The following CRAMP1 variants were observed in gnomAD, a reference collection of about 807,000 sequenced individuals.
CRAMP1 encodes protein cramped-like.
A neutral mutation model predicts 115.4 loss-of-function variants in CRAMP1; 50 were observed. The observed-to-expected ratio is 0.43, with a 90% confidence interval of 0.35 to 0.55. The LOEUF is 0.55. Among genes scored for constraint, CRAMP1 ranks in the 20% least tolerant of loss-of-function variants. The probability of loss-of-function intolerance (pLI) is 0.01; values close to 1 mark genes in which losing one functional copy is unlikely to be tolerated. For missense variants in CRAMP1, 1,679 were observed against 1,721.7 expected, an observed-to-expected ratio of 0.98 and a Z score of 0.44; for synonymous variants, 866 against 745.4, an observed-to-expected ratio of 1.16 and a Z score of -2.64.
chr16:1,620,095 C>A (rs991409325), intron 2 of CRAMP1, among the ~76,000 whole-genome samples: 2 of 152,138 alleles, frequency 1.3e-5, no homozygotes, highest in Admixed American at 6.5e-5. Flanking sequence ...TTGAAGGGTC[C>A]CCCCATGTGA....
chr16:1,655,184 C>T (rs758739198), intron 8 of CRAMP1, 35 bp from the exon 9 acceptor site: 26 of 1,566,242 alleles, frequency 1.7e-5, no homozygotes, highest in Middle Eastern at 1.7e-4. Flanking sequence ...TCCTGTTCTG[C>T]GAACCTCACT....
chr16:1,622,804 C>T lies in CRAMP1; in HGVS notation c.347-3169C>T, dbSNP rs144176394. On this transcript the variant is annotated intron_variant, in intron 2 of 20. Transcript: ENST00000397412. ...TGAGACAGTCTCTCACTCTGTCACC[C>T]AGGCTGGAGTGCAGTGGCTAGATCT... is the stretch of plus-strand genomic sequence containing the variant. Among the ~76,000 whole-genome samples, 624 of 150,362 alleles carry T rather than the reference C, an allele frequency of 4.1e-3. 6 individuals are homozygous for T. The highest frequency in any genetic ancestry group is 0.015 in the African/African-American group (597 of 40,776).
chr16:1,657,872 C>A (rs1443810680), intron 10 of CRAMP1, among the ~76,000 whole-genome samples: 1 of 152,160 alleles, frequency 6.6e-6, no homozygotes, highest in African/African-American at 2.4e-5. Flanking sequence ...GGGCGAGGGG[C>A]TCAAAGGATG....
chr16:1,638,340 T>A (rs1352851875), intron 5 of CRAMP1, among the ~76,000 whole-genome samples: 5 of 152,186 alleles, frequency 3.3e-5, no homozygotes, highest in Non-Finnish European at 4.4e-5. Context: ...TTCTAAAACA[T>A]CCCAAAATAT....
chr16:1,637,490 G>C (rs2036598150), intron 4 of CRAMP1, among the ~76,000 whole-genome samples: 1 of 152,202 alleles, frequency 6.6e-6, no homozygotes, highest in Non-Finnish European at 1.5e-5. Flanking sequence ...TGTGTGCAGA[G>C]ATGGATGACA....
intron 4 of CRAMP1, among the ~76,000 whole-genome samples, chr16:1,635,976 C>G (rs2036585499): frequency 1.3e-5 from 2 of 152,140 alleles, no homozygotes; most frequent in African/African-American, 4.8e-5. Context: ...TGTGCCAGTC[C>G]TTTGTATGGC....
At chr16:1,648,687 A>G (rs1357487041) in intron 6 of CRAMP1, among the ~76,000 whole-genome samples, 1 of 151,722 alleles carries the variant, frequency 6.6e-6, no homozygotes, top group Non-Finnish European at 1.5e-5. Context: ...CTGCCGCCCT[A>G]CTCTGACATC....
chr16:1,619,876 C>A (rs959914917), intron 2 of CRAMP1, among the ~76,000 whole-genome samples: 1 of 152,130 alleles, frequency 6.6e-6, no homozygotes, highest in South Asian at 2.1e-4. Flanking sequence ...GTCTGGCGAC[C>A]CTGACCAGGG....
intron 6 of CRAMP1, 117 bp from the exon 7 acceptor site, chr16:1,652,379 G>A (rs1260446476): frequency 3.8e-6 from 3 of 790,338 alleles, no homozygotes; most frequent in Admixed American, 2.8e-5. Context: ...TCGAGAGGCT[G>A]GGGTGGATGC....
chr16:1,665,389 C>T (rs1052924097), intron 14 of CRAMP1, among the ~76,000 whole-genome samples: 5 of 152,148 alleles, frequency 3.3e-5, no homozygotes, highest in African/African-American at 4.8e-5. Flanking sequence ...CTGTGTGAGG[C>T]GCTTGGCTTG....
At chr16:1,634,994 T>C (rs1483558271) in intron 4 of CRAMP1, among the ~76,000 whole-genome samples, 2 of 152,084 alleles carry the variant, frequency 1.3e-5, no homozygotes, top group African/African-American at 2.4e-5. Context: ...CATCTCCCAG[T>C]TTCAAGCGAT....
At position 1,666,416 on chromosome 16, in the gene CRAMP1, T is replaced by C; in HGVS notation, c.2858-6T>C. On this transcript the variant is annotated splice_region_variant and splice_polypyrimidine_tract_variant and intron_variant, in intron 15 of 20. Coordinates refer to ENST00000397412, the MANE Select transcript of CRAMP1 (RefSeq NM_020825.4). The surrounding 1 kb of genome is among the most constrained non-coding windows in gnomAD (Gnocchi z 5.0). ...CAGAGATGTGCAGCGTCCTTTTTGT[T>C]GCCAGGTGCTATCGACTTAGCAGCT... 1 of 1,611,094 alleles carries C rather than the reference T, an allele frequency of 6.2e-7. No homozygotes were observed. Among genetic ancestry groups the C allele is most frequent in the Non-Finnish European group, 8.5e-7 (1 of 1,178,426 alleles).
chr16:1,661,732 A>G (rs1323727548), intron 11 of CRAMP1, among the ~76,000 whole-genome samples: 2 of 150,022 alleles, frequency 1.3e-5, no homozygotes, highest in African/African-American at 5.0e-5. Context: ...AGTAGTTGGG[A>G]TTACAGGCAT....
At chr16:1,624,436 CAG>C (rs1257345242) in intron 2 of CRAMP1, among the ~76,000 whole-genome samples, 2 of 149,996 alleles carry the variant, frequency 1.3e-5, no homozygotes, top group Non-Finnish European at 3.0e-5. Flanking sequence ...TTTTTGGAGA[CAG>C]GGTCTCGCTC....
rs774802113 is a variant in CRAMP1, at chr16:1,637,892, A to G, written c.763A>G (p.Lys255Glu). Reference protein sequence around the residue: ...YGLICYGELRKKIGGCMDDKN... With the variant: ...YGLICYGELREKIGGCMDDKN... ...CCTGATCTGCTATGGCGAGCTGCGC[A>G]AGAAGATTGGGGGCTGTGAGTACGC... Residue 255 changes from lysine to glutamate, a missense_variant, in exon 5 of 21, where the codon AAG (lysine) becomes GAG (glutamate). Physicochemically the swap from Lys to Glu is moderately conservative, Grantham distance 56. Around this residue, in one of 8 missense-constraint regions of CRAMP1, gnomAD observed 42 missense variants for 42.3 expected, o/e 0.99. Transcript: ENST00000397412. 6.4e-7 allele frequency: 1 copy of G among 1,552,974 alleles called. No individual in the cohort carries two copies. The highest frequency in any genetic ancestry group is 8.7e-7 in the Non-Finnish European group (1 of 1,149,948).
intron 17 of CRAMP1, 65 bp from the exon 18 acceptor site, chr16:1,667,897 T>C: frequency 9.5e-7 from 1 of 1,055,616 alleles, no homozygotes; most frequent in Non-Finnish European, 1.4e-6. Context: ...TAAGCTGGTG[T>C]TTCTTCCCTT....
chr16:1,627,803 C>T (rs1406083223), intron 3 of CRAMP1, among the ~76,000 whole-genome samples: 1 of 151,894 alleles, frequency 6.6e-6, no homozygotes, highest in Non-Finnish European at 1.5e-5. Flanking sequence ...TAGATTCAAG[C>T]CCCAAATCGT....
At chr16:1,616,399 G>A (rs546537960) in intron 2 of CRAMP1, among the ~76,000 whole-genome samples, 16 of 152,268 alleles carry the variant, frequency 1.1e-4, no homozygotes, top group South Asian at 4.1e-4. Context: ...CTTTTCTGTC[G>A]GGTGTCCTCA....
In CRAMP1 at chr16:1,614,612, C is replaced by T. The variant is rs1431883392; in HGVS notation, c.-1-27C>T. The T allele has an allele frequency of 1.6e-5, 20 of 1,219,622 alleles. No homozygotes were observed. The highest frequency in any genetic ancestry group is 1.9e-5 in the Non-Finnish European group (19 of 974,574). The allele number at this position is 1,219,622 out of a possible 1,614,324, so 75.6% of individuals were successfully genotyped here. A position where few individuals can be genotyped will look rare whatever the true frequency, so the allele number is the denominator to read the frequency against. ...ACTTCCCGGCCTGCGCCCGCCTCAC[C>T]GGCCGCCTCCCCTCTCCCGGCCGCA... On this transcript the variant is annotated intron_variant, in intron 1 of 20. Transcript: ENST00000397412. This position sits in a 1 kb window ranked among gnomAD's most constrained non-coding sequence, Gnocchi z 4.4.
Sources: allele counts gnomAD v4.1 joint callset (sites outside exome capture counted in the v4.1 genomes callset), GRCh38; gene constraint gnomAD v4.1.1; regional missense constraint gnomAD v4.1.1; non-coding constraint Gnocchi (gnomAD v3.1); transcripts MANE v1.5; gene names NCBI Gene and HGNC (gene_info 2026-07-23, HGNC 2026-07-21).